Variants in FRMD4A observed in about 807,000 individuals in gnomAD.
FRMD4A encodes the protein FERM domain containing 4A.
Under a neutral mutation model 129.1 loss-of-function variants are expected in FRMD4A, and 29 were observed. That is an observed-to-expected ratio of 0.22 (90% CI 0.17 to 0.31). The LOEUF is 0.31. Ranked by LOEUF, FRMD4A falls within the 10% of genes least tolerant of loss-of-function variation. The probability of loss-of-function intolerance (pLI) is 1.00; values close to 1 mark genes in which losing one functional copy is unlikely to be tolerated. For missense variants in FRMD4A, 1,272 were observed against 1,375.8 expected (o/e 0.92, Z 1.19); for synonymous variants, 634 against 571.6 (o/e 1.11, Z -1.56).
At chr10:14,061,017 A>AT (rs1588890624) in intron 2 of FRMD4A, among the ~76,000 whole-genome samples, 1 of 123,568 alleles carries the variant, frequency 8.1e-6, no homozygotes, top group East Asian at 2.0e-4. Context: ...TTACAAACCA[A>AT]TAAGGAAAAA....
intron 2 of FRMD4A, among the ~76,000 whole-genome samples, chr10:14,012,670 C>T (rs1022863218): frequency 2.0e-5 from 3 of 152,116 alleles, no homozygotes; most frequent in Admixed American, 6.5e-5. Context: ...TGAAAAGCCA[C>T]GTGAAGGGTA....
chr10:14,266,885 T>G (rs1263162304), intron 2 of FRMD4A, among the ~76,000 whole-genome samples: 1 of 152,216 alleles, frequency 6.6e-6, no homozygotes, highest in Admixed American at 6.5e-5. Context: ...ATATATGACT[T>G]ATAACATTGA....
At chr10:14,144,685 C>G (rs917348276) in intron 2 of FRMD4A, among the ~76,000 whole-genome samples, 3 of 152,030 alleles carry the variant, frequency 2.0e-5, no homozygotes, top group African/African-American at 7.3e-5. Flanking sequence ...GGAGTTTGTT[C>G]TGGTAGAGAT....
chr10:13,778,681 C>A (rs1265434145), intron 6 of FRMD4A, among the ~76,000 whole-genome samples: 1 of 151,354 alleles, frequency 6.6e-6, no homozygotes, highest in Non-Finnish European at 1.5e-5. Flanking sequence ...AGTTTAATTA[C>A]ATTTTAAAAT....
chr10:14,166,729 A>T (rs1055940247), intron 2 of FRMD4A, among the ~76,000 whole-genome samples: 1 of 152,226 alleles, frequency 6.6e-6, no homozygotes, highest in Admixed American at 6.5e-5. Flanking sequence ...TGGCCTGCCC[A>T]TTACTTGTCC....
intron 2 of FRMD4A, among the ~76,000 whole-genome samples, chr10:13,990,441 G>A (rs1404651523): frequency 6.6e-6 from 1 of 152,152 alleles, no homozygotes; most frequent in African/African-American, 2.4e-5. Flanking sequence ...TCTGTTGGGC[G>A]GGTATGCTTC....
At chr10:13,901,758 G>A (rs968462413) in intron 2 of FRMD4A, among the ~76,000 whole-genome samples, 1 of 152,136 alleles carries the variant, frequency 6.6e-6, no homozygotes, top group African/African-American at 2.4e-5. Context: ...GGATGGGCCA[G>A]AGCAGGAAGT....
chr10:14,008,162 C>CTGTGCGTGTGTG lies in FRMD4A; in HGVS notation c.46-149251_46-149250insCACACACGCACA, dbSNP rs1555012498. On this transcript the variant is annotated intron_variant, in intron 2 of 24. Coordinates refer to ENST00000357447, the MANE Select transcript of FRMD4A (RefSeq NM_018027.5). ...CAGCCTGAACCACCATGGTGTACAG[C>CTGTGCGTGTGTG]TGTGTGTGTGTGTGTGTGTGTGTGT... 67 of 630,250 alleles carry CTGTGCGTGTGTG rather than the reference C, an allele frequency of 1.1e-4. 1 individual carries two copies. In the South Asian group the frequency reaches 1.8e-3, roughly 17 times the overall value. The allele number at this position is 630,250 out of a possible 1,614,324, so 39.0% of individuals were successfully genotyped here.
intron 2 of FRMD4A, among the ~76,000 whole-genome samples, chr10:14,016,547 C>T (rs562869808): frequency 1.1e-3 from 163 of 152,308 alleles, no homozygotes; most frequent in African/African-American, 3.6e-3. Flanking sequence ...AAAGGCCATC[C>T]GGCTTAGCCA....
intron 3 of FRMD4A, among the ~76,000 whole-genome samples, chr10:13,851,787 C>A (rs2094143605): frequency 6.6e-6 from 1 of 151,820 alleles, no homozygotes; most frequent in African/African-American, 2.4e-5. Flanking sequence ...GTAATCCCAG[C>A]CACTCAGGAG....
intron 2 of FRMD4A, among the ~76,000 whole-genome samples, chr10:13,863,401 G>A (rs565036376): frequency 8.8e-5 from 13 of 148,528 alleles, no homozygotes; most frequent in South Asian, 2.2e-4. Flanking sequence ...GGGCAACATG[G>A]CAAAACCCTG....
chr10:14,260,415 A>AACAGCTGC (rs1844761451), intron 2 of FRMD4A, among the ~76,000 whole-genome samples: 1 of 152,182 alleles, frequency 6.6e-6, no homozygotes, highest in Non-Finnish European at 1.5e-5. Flanking sequence ...CAAGCCACAG[A>AACAGCTGC]ACAGCTGCAA....
chr10:14,185,234 C>G (rs1046599158), intron 2 of FRMD4A, among the ~76,000 whole-genome samples: 4 of 152,186 alleles, frequency 2.6e-5, no homozygotes, highest in South Asian at 4.1e-4. Context: ...ATTTGCATGT[C>G]TATTTCAAGA....
chr10:14,085,173 T>C (rs1836191036), intron 2 of FRMD4A, among the ~76,000 whole-genome samples: 2 of 152,282 alleles, frequency 1.3e-5, no homozygotes, highest in African/African-American at 4.8e-5. Flanking sequence ...GCAAAGTAGT[T>C]TTCTTGTGCC....
intron 12 of FRMD4A, among the ~76,000 whole-genome samples, chr10:13,710,816 C>G (rs893021127): frequency 1.3e-5 from 2 of 152,070 alleles, no homozygotes; most frequent in African/African-American, 2.4e-5. Flanking sequence ...AGCTTGAGAC[C>G]AGCCTGGGCC....
rs141575565 is a variant in FRMD4A, at chr10:14,300,735, C to G, written c.45+29323G>C. On this transcript the variant is annotated intron_variant, in intron 2 of 24. Coordinates refer to ENST00000357447, the MANE Select transcript of FRMD4A (RefSeq NM_018027.5). ...AAGAAGACAGCTCCATCTAAGGAGA[C>G]AGAAGGGCTTCTCCTCCAAGGAAAG... Among the ~76,000 whole-genome samples, 276 of 152,278 alleles carry G rather than the reference C, an allele frequency of 1.8e-3. 2 individuals carry two copies. The highest frequency in any genetic ancestry group is 5.9e-3 in the African/African-American group (245 of 41,552).
chr10:13,716,000 A>G (rs1163997737), intron 12 of FRMD4A, among the ~76,000 whole-genome samples: 1 of 152,054 alleles, frequency 6.6e-6, no homozygotes, highest in South Asian at 2.1e-4. Flanking sequence ...CATAAAAGTT[A>G]TGAATACTTT....
intron 2 of FRMD4A, among the ~76,000 whole-genome samples, chr10:14,060,034 G>T (rs1390038584): frequency 6.6e-6 from 1 of 152,222 alleles, no homozygotes; most frequent in Admixed American, 6.5e-5. Flanking sequence ...ATGCAGTCTA[G>T]TTCCACAGTC....
intron 19 of FRMD4A, among the ~76,000 whole-genome samples, chr10:13,661,800 G>A (rs1394139891): frequency 6.6e-6 from 1 of 152,034 alleles, no homozygotes; most frequent in African/African-American, 2.4e-5. Context: ...AAAAAGCACA[G>A]AAGCAAACCT....
Sources: allele counts gnomAD v4.1 joint callset (sites outside exome capture counted in the v4.1 genomes callset), GRCh38; gene constraint gnomAD v4.1.1; transcripts MANE v1.5; gene names NCBI Gene and HGNC (gene_info 2026-07-23, HGNC 2026-07-21).